The following TNNI3K variants were observed in gnomAD, a reference collection of about 807,000 sequenced individuals.
TNNI3K encodes the protein TNNI3 interacting kinase.
A neutral mutation model predicts 114.5 loss-of-function variants in TNNI3K; 140 were observed. That is an observed-to-expected ratio of 1.22 (90% CI 1.07 to 1.41). TNNI3K has a LOEUF of 1.41. Among genes scored for constraint, TNNI3K ranks in the 40% most tolerant of loss-of-function variants. TNNI3K has a pLI of 0.00. For missense variants in TNNI3K, 1,125 were observed against 1,007.6 expected (o/e 1.12, Z -1.58); for synonymous variants, 347 against 347.5 (o/e 1.00, Z 0.02).
intron 17 of TNNI3K, chr1:74,371,580 A>G (rs1662608829): frequency 6.6e-6 from 1 of 151,794 alleles, no homozygotes; most frequent in African/African-American, 2.4e-5. Context: ...AATAAAATGC[A>G]TAGAGATTAG....
intron 17 of TNNI3K, among the ~76,000 whole-genome samples, chr1:74,380,423 G>A (rs1254626723): frequency 1.3e-5 from 2 of 152,064 alleles, no homozygotes; most frequent in Non-Finnish European, 2.9e-5. Flanking sequence ...ACACTCACAC[G>A]GTGCGAATGC....
chr1:74,241,465 T>C (rs1398009512), intron 2 of TNNI3K, among the ~76,000 whole-genome samples: 6 of 152,306 alleles, frequency 3.9e-5, no homozygotes, highest in South Asian at 2.1e-4. Flanking sequence ...TTTTAATGAC[T>C]GCCATTCTAA....
intron 9 of TNNI3K, among the ~76,000 whole-genome samples, chr1:74,348,091 G>A (rs578083739): frequency 7.2e-4 from 109 of 152,242 alleles, no homozygotes; most frequent in African/African-American, 2.6e-3. Context: ...GTCCTGAATG[G>A]TATTGCCTAG....
At chr1:74,480,896 G>A (rs1288759278) in intron 21 of TNNI3K, 2 of 717,294 alleles carry the variant, frequency 2.8e-6, no homozygotes, top group African/African-American at 1.7e-5. Context: ...AAACAAGAGA[G>A]ACAGGTTTGT....
At chr1:74,437,412 C>T (rs990295558) in intron 19 of TNNI3K, among the ~76,000 whole-genome samples, 2 of 151,982 alleles carry the variant, frequency 1.3e-5, no homozygotes, top group Non-Finnish European at 2.9e-5. Flanking sequence ...CAAAATATAT[C>T]TCAGGCAGTG....
chr1:74,353,187 C>T (rs1046403903), intron 9 of TNNI3K, 79 bp from the exon 10 acceptor site: 35 of 1,422,680 alleles, frequency 2.5e-5, no homozygotes, highest in Admixed American at 1.1e-4. Flanking sequence ...TATGATTTTT[C>T]GAGGTGTAGG....
intron 23 of TNNI3K, among the ~76,000 whole-genome samples, chr1:74,500,133 C>T (rs1440626005): frequency 6.6e-6 from 1 of 151,898 alleles, no homozygotes; most frequent in Non-Finnish European, 1.5e-5. Flanking sequence ...TAATTAAAAT[C>T]ATTCTCTCCT....
At chr1:74,369,320 GC>G in intron 15 of TNNI3K, 56 bp downstream of exon 15, 1 of 1,606,258 alleles carries the variant, frequency 6.2e-7, no homozygotes, top group Non-Finnish European at 8.5e-7. Context: ...CCTTTGAGAA[GC>G]ATGTGCATGG....
chr1:74,311,944 C>T (rs1659018699), intron 5 of TNNI3K, among the ~76,000 whole-genome samples: 1 of 152,112 alleles, frequency 6.6e-6, no homozygotes, highest in Admixed American at 6.6e-5. Flanking sequence ...TATTATGCCT[C>T]ATTAACATTA....
At chr1:74,277,736 A>G (rs1656770170) in intron 5 of TNNI3K, among the ~76,000 whole-genome samples, 1 of 152,250 alleles carries the variant, frequency 6.6e-6, no homozygotes, top group Admixed American at 6.5e-5. Flanking sequence ...AAAGGCATGC[A>G]GCAAACATGT....
intron 11 of TNNI3K, among the ~76,000 whole-genome samples, chr1:74,364,885 C>T (rs1213913717): frequency 6.6e-6 from 1 of 152,056 alleles, no homozygotes; most frequent in Non-Finnish European, 1.5e-5. Context: ...CCTGCTGACA[C>T]CTTGATTTCA....
At position 74,367,286 on chromosome 1, in the gene TNNI3K, A is replaced by G. The variant is rs1462734477; in HGVS notation, c.1208A>G (p.His403Arg). ...GATGCCATTGTCACACTCCTGAAGCATTATAAGAGACCACAAGATGAATTG... is the reference window on the plus strand; with the variant it reads ...GATGCCATTGTCACACTCCTGAAGCGTTATAAGAGACCACAAGATGAATTG... Reference protein sequence around the residue: ...GHDAIVTLLKHYKRPQDELPC... With the variant: ...GHDAIVTLLKRYKRPQDELPC... The change falls in exon 12 of 25, where the codon CAT becomes CGT. Residue 403 changes from histidine (H) to arginine (R), a missense_variant. Coordinates refer to ENST00000326637, the MANE Select transcript of TNNI3K (RefSeq NM_015978.3). 5 of 1,612,216 alleles carry G rather than the reference A, an allele frequency of 3.1e-6. No individual in the cohort carries two copies. Among genetic ancestry groups the G allele is most frequent in the Non-Finnish European group, 4.2e-6 (5 of 1,178,710 alleles).
At chr1:74,252,853 A>G (rs1031533931) in intron 4 of TNNI3K, among the ~76,000 whole-genome samples, 2 of 152,180 alleles carry the variant, frequency 1.3e-5, no homozygotes, top group Admixed American at 1.3e-4. Context: ...TATTGCAAAG[A>G]GCTGAACAAC....
At chr1:74,510,464 C>T (rs532132148) in intron 23 of TNNI3K, among the ~76,000 whole-genome samples, 4 of 152,206 alleles carry the variant, frequency 2.6e-5, no homozygotes, top group East Asian at 1.9e-4. Flanking sequence ...GCCGACATCG[C>T]GCCACTGCAC....
chr1:74,270,873 A>G (rs1009202101), intron 4 of TNNI3K, among the ~76,000 whole-genome samples: 2 of 151,190 alleles, frequency 1.3e-5, no homozygotes, highest in Non-Finnish European at 3.0e-5. Context: ...ATGACTGTTA[A>G]TTGCTATTAA....
intron 21 of TNNI3K, chr1:74,464,819 G>A (rs995911512): frequency 1.3e-6 from 2 of 1,482,452 alleles, no homozygotes; most frequent in East Asian, 2.5e-5. Context: ...CAAAATGTTA[G>A]CTCCATGAAA....
At chr1:74,261,839 T>A (rs953760273) in intron 4 of TNNI3K, among the ~76,000 whole-genome samples, 16 of 152,162 alleles carry the variant, frequency 1.1e-4, no homozygotes, top group Admixed American at 7.2e-4. Flanking sequence ...TATATATTTC[T>A]TGCAAGATTT....
intron 17 of TNNI3K, among the ~76,000 whole-genome samples, chr1:74,378,267 A>G (rs1041117779): frequency 1.1e-4 from 16 of 152,154 alleles, no homozygotes; most frequent in African/African-American, 3.6e-4. Context: ...TTGAGTAATG[A>G]AAAAACTAAG....
chr1:74,348,963 C>T lies in TNNI3K; in HGVS notation c.933-4303C>T, dbSNP rs542218882. 1.3e-3 allele frequency among the ~76,000 whole-genome samples: 198 copies of T among 152,264 alleles called. 6 individuals are homozygous for T. Among genetic ancestry groups the T allele is most frequent in the Non-Finnish European group, 1.4e-3 (92 of 68,032 alleles). On this transcript the variant is annotated intron_variant, in intron 9 of 24. Coordinates refer to ENST00000326637, the MANE Select transcript of TNNI3K (RefSeq NM_015978.3). Reference sequence around the variant, plus strand: ...GCAAACAGGGACCATTTGACTTCCTCTTTTCCTAATTGAATGCCCTTTATT... The same window carrying T: ...GCAAACAGGGACCATTTGACTTCCTTTTTTCCTAATTGAATGCCCTTTATT...
Sources: gnomAD v4.1 joint callset for allele counts (sites outside exome capture counted in the v4.1 genomes callset) on GRCh38, gnomAD v4.1.1 for gene constraint, MANE v1.5 for transcripts, NCBI Gene and HGNC (gene_info 2026-07-23, HGNC 2026-07-21) for gene names.